The following C14orf132 variants were observed in gnomAD, a reference collection of about 807,000 sequenced individuals.
The protein encoded by C14orf132 is uncharacterized protein C14orf132.
A neutral mutation model predicts 5.8 loss-of-function variants in C14orf132; 6 were observed. The ratio of observed to expected loss-of-function variants is 1.03; its 90% CI spans 0.57 to 2.04. C14orf132 has a LOEUF of 2.04. C14orf132 is among the 30% of genes most tolerant of loss of function. C14orf132 has a pLI of 0.00. For synonymous variants in C14orf132, 51 were observed against 49.8 expected, an observed-to-expected ratio of 1.02 and a Z score of -0.10; for missense variants, 125 against 115.8, an observed-to-expected ratio of 1.08 and a Z score of -0.37.
At chr14:96,053,281 T>C (rs972686731) in intron 1 of C14orf132, among the ~76,000 whole-genome samples, 2 of 152,174 alleles carry the variant, frequency 1.3e-5, no homozygotes, top group African/African-American at 4.8e-5. Flanking sequence ...CCAGACACCG[T>C]TCTAGGCACT....
intron 1 of C14orf132, among the ~76,000 whole-genome samples, chr14:96,052,067 C>G (rs1461746875): frequency 6.6e-6 from 1 of 152,246 alleles, no homozygotes; most frequent in Admixed American, 6.5e-5. Flanking sequence ...GATACCGAGG[C>G]TCAGAGAGCT....
chr14:96,042,934 A>G (rs1886732415), intron 1 of C14orf132, among the ~76,000 whole-genome samples: 1 of 152,246 alleles, frequency 6.6e-6, no homozygotes, highest in Admixed American at 6.5e-5. Context: ...GGACAGGGCC[A>G]CCTGGATGTC....
intron 1 of C14orf132, among the ~76,000 whole-genome samples, chr14:96,082,217 C>T (rs896535080): frequency 6.6e-6 from 1 of 152,330 alleles, no homozygotes; most frequent in Admixed American, 6.5e-5. Flanking sequence ...CCCTGTTGCT[C>T]ATTTCCAGCA....
chr14:96,076,749 G>T (rs907566541), intron 1 of C14orf132, among the ~76,000 whole-genome samples: 3 of 152,352 alleles, frequency 2.0e-5, no homozygotes, highest in Admixed American at 2.0e-4. Context: ...TTATTAAATT[G>T]AGACCTTTCT....
In C14orf132 at chr14:96,053,380, A is replaced by G. The variant is rs997090901; in HGVS notation, c.27+13853A>G. Among the ~76,000 whole-genome samples, 12 of 152,346 alleles carry G rather than the reference A, an allele frequency of 7.9e-5. 1 individual carries two copies. Among genetic ancestry groups the G allele is most frequent in the East Asian group, 3.9e-4 (2 of 5,184 alleles). ...TGCTCACCTCTTATGAAAGGTGACCAAGGAGCGAGGGCACCACACAGTCCC... is the reference window on the plus strand; with the variant it reads ...TGCTCACCTCTTATGAAAGGTGACCGAGGAGCGAGGGCACCACACAGTCCC... On this transcript the variant is annotated intron_variant, in intron 1 of 1. Transcript: ENST00000555004.
intron 1 of C14orf132, among the ~76,000 whole-genome samples, chr14:96,053,545 C>T (rs929103300): frequency 1.3e-5 from 2 of 152,238 alleles, no homozygotes; most frequent in Non-Finnish European, 2.9e-5. Flanking sequence ...GGGACTCTCC[C>T]TGGGCTGGCC....
intron 1 of C14orf132, among the ~76,000 whole-genome samples, chr14:96,055,897 T>C (rs1209795228): frequency 6.6e-6 from 1 of 152,194 alleles, no homozygotes; most frequent in East Asian, 1.9e-4. Context: ...GTAGCTGGTG[T>C]TGCAAGGCTT....
intron 1 of C14orf132, among the ~76,000 whole-genome samples, chr14:96,082,239 C>A (rs1157442370): frequency 6.6e-6 from 1 of 152,172 alleles, no homozygotes; most frequent in Non-Finnish European, 1.5e-5. Context: ...TGGCGTGCCA[C>A]CAGAAGGGCA....
intron 1 of C14orf132, among the ~76,000 whole-genome samples, chr14:96,043,544 AC>A: frequency 6.6e-6 from 1 of 151,960 alleles, no homozygotes; most frequent in East Asian, 1.9e-4. Flanking sequence ...CATTAGAATC[AC>A]CTGGGAGCTT....
At chr14:96,068,462 CAGCCTCCCTGTCTGTA>C (rs1158289794) in intron 1 of C14orf132, among the ~76,000 whole-genome samples, 2 of 152,192 alleles carry the variant, frequency 1.3e-5, no homozygotes, top group Non-Finnish European at 2.9e-5. Flanking sequence ...TTCCAGCCTT[CAGCCTCCCTGTCTGTA>C]GAAAGAGGCA....
At chr14:96,062,648 C>T (rs189657487) in intron 1 of C14orf132, among the ~76,000 whole-genome samples, 100 of 152,266 alleles carry the variant, frequency 6.6e-4, no homozygotes, top group Middle Eastern at 6.8e-3. Context: ...TTCACATCCT[C>T]GCAATTCCAC....
chr14:96,086,564 C>A lies in C14orf132; in HGVS notation c.81C>A (p.Thr27=), dbSNP rs754803582. The A allele has an allele frequency of 2.7e-5, 42 of 1,535,998 alleles. No individual in the cohort carries two copies. The highest frequency in any genetic ancestry group is 3.7e-5 in the Non-Finnish European group (42 of 1,146,912). The change falls in exon 2 of 2, where the codon ACC becomes ACA. Residue 27 remains threonine (T), a synonymous_variant. Transcript: ENST00000555004. ...FMDSPNEDFS[T]EYSLFNSSAN... ...ACTCGCCCAACGAGGACTTCAGCAC[C>A]GAGTACTCCCTGTTTAACTCCTCTG...
chr14:96,058,755 G>T (rs1343643748), intron 1 of C14orf132, among the ~76,000 whole-genome samples: 1 of 152,226 alleles, frequency 6.6e-6, no homozygotes, highest in African/African-American at 2.4e-5. Flanking sequence ...TTCCCTGCCT[G>T]GCCCAGCTCT....
chr14:96,054,794 G>A (rs1254894747), intron 1 of C14orf132, among the ~76,000 whole-genome samples: 2 of 152,168 alleles, frequency 1.3e-5, no homozygotes, highest in Non-Finnish European at 2.9e-5. Flanking sequence ...TTATAGAACA[G>A]TTTTTTCAGA....
chr14:96,087,438 G>T lies in C14orf132; in HGVS notation c.*703G>T, dbSNP rs1888232356. The stretch of plus-strand genomic sequence containing the variant: ...GAGGATGTCTTTAAGAGCTAGATGT[G>T]CCAGGCAGTGGACTCTTCAGGCCAC... On this transcript the variant is annotated 3_prime_UTR_variant, in exon 2 of 2. Transcript: ENST00000555004. 6.6e-6 allele frequency: 1 copy of T among 152,130 alleles called. No individual in the cohort carries two copies. 9.4% of individuals were successfully genotyped at this position (152,130 alleles called of 1,614,324 possible).
intron 1 of C14orf132, among the ~76,000 whole-genome samples, chr14:96,084,336 G>GA (rs11379926): frequency 0.3 from 45,290 of 151,998 alleles, 6,924 homozygotes; most frequent in Non-Finnish European, 0.33. Flanking sequence ...TGCCCAAGAG[G>GA]AAAAAAGCAC....
In C14orf132 at chr14:96,086,728, C is replaced by T. The variant is rs1566838024; in HGVS notation, c.245C>T (p.Thr82Ile). The change falls in exon 2 of 2, where the codon ACC (threonine) becomes ATC (isoleucine). Residue 82 changes from threonine (T) to isoleucine (I), a missense_variant. Physicochemically the swap from Thr to Ile is moderately conservative, Grantham distance 89. Coordinates refer to ENST00000555004, the MANE Select transcript of C14orf132 (RefSeq NM_001252507.3). ...GTGGTGGGCGTGGTGTATGCCTTCACCTTCTGAGGACGGCACACCCTGCAC... is the reference window on the plus strand; with the variant it reads ...GTGGTGGGCGTGGTGTATGCCTTCATCTTCTGAGGACGGCACACCCTGCAC... ...IVVVGVVYAF[T>I]F 6.5e-7 allele frequency: 1 copy of T among 1,536,050 alleles called. No homozygotes were observed. The highest frequency in any genetic ancestry group is 8.7e-7 in the Non-Finnish European group (1 of 1,146,850).
chr14:96,045,437 G>A (rs1566822223), intron 1 of C14orf132, among the ~76,000 whole-genome samples: 1 of 152,186 alleles, frequency 6.6e-6, no homozygotes, highest in Non-Finnish European at 1.5e-5. Flanking sequence ...TGGAGCAGAG[G>A]GGTCAGGTGG....
intron 1 of C14orf132, among the ~76,000 whole-genome samples, chr14:96,055,353 C>G (rs1244690898): frequency 6.6e-6 from 1 of 152,170 alleles, no homozygotes; most frequent in Non-Finnish European, 1.5e-5. Context: ...TTATCCTGGT[C>G]AGGAAACAGA....
Sources: gnomAD v4.1 joint callset for allele counts (sites outside exome capture counted in the v4.1 genomes callset) on GRCh38, gnomAD v4.1.1 for gene constraint, MANE v1.5 for transcripts, NCBI Gene and HGNC (gene_info 2026-07-23, HGNC 2026-07-21) for gene names.